USP42: variants seen among roughly 807,000 people sequenced by gnomAD.
The protein encoded by USP42 is ubiquitin carboxyl-terminal hydrolase 42.
In USP42, 23 loss-of-function variants were observed where a neutral mutation model predicts 113.0. That is an observed-to-expected ratio of 0.20 (90% confidence interval 0.15 to 0.29). USP42 has a LOEUF of 0.29. USP42 is among the 10% of genes least tolerant of loss of function. The pLI is 1.00. For missense variants in USP42, 2,174 were observed against 1,779.8 expected, an observed-to-expected ratio of 1.22 and a Z score of -3.99; for synonymous variants, 933 against 699.0, an observed-to-expected ratio of 1.33 and a Z score of -5.28.
At chr7:6,141,401 C>T (rs1781424509) in intron 7 of USP42, among the ~76,000 whole-genome samples, 1 of 151,810 alleles carries the variant, frequency 6.6e-6, no homozygotes, top group Non-Finnish European at 1.5e-5. Flanking sequence ...GATGGGGTTT[C>T]ACCTATCGGC....
chr7:6,091,470 C>A, the USP42 span, among the ~76,000 whole-genome samples: 1 of 150,616 alleles, frequency 6.6e-6, no homozygotes, highest in Non-Finnish European at 1.5e-5. Context: ...TCAGGCGATT[C>A]TCCTACTTTG....
At position 6,154,675 on chromosome 7, in the gene USP42, G is replaced by A. The variant is rs373397877; in HGVS notation, c.3121G>A (p.Glu1041Lys). 6.2e-7 allele frequency: 1 copy of A among 1,605,498 alleles called. No homozygotes were observed. The change falls in exon 15 of 18, where the codon GAG becomes AAG. Residue 1041 changes from glutamate (E) to lysine (K), a missense_variant. Physicochemically the swap from Glu to Lys is moderately conservative, Grantham distance 56. Transcript: ENST00000306177. ...DWVRHHYTEG[E>K]RGWGREKFYP... is the part of the protein sequence containing the mutation. ...GGTCAGACACCACTACACCGAGGGC[G>A]AGCGTGGCTGGGGCCGGGAGAAGTT...
intron 3 of USP42, among the ~76,000 whole-genome samples, chr7:6,130,598 C>T (rs967527246): frequency 2.0e-5 from 3 of 152,164 alleles, no homozygotes; most frequent in Non-Finnish European, 2.9e-5. Flanking sequence ...CCTTCTCCAC[C>T]GTTAACCCAG....
At chr7:6,112,421 G>A (rs922848108) in intron 2 of USP42, among the ~76,000 whole-genome samples, 4 of 151,838 alleles carry the variant, frequency 2.6e-5, no homozygotes, top group Non-Finnish European at 5.9e-5. Flanking sequence ...TTGCATTTCA[G>A]CCTGGGCAAC....
At chr7:6,148,966 A>G (rs1444315118) in intron 12 of USP42, among the ~76,000 whole-genome samples, 2 of 152,220 alleles carry the variant, frequency 1.3e-5, no homozygotes, top group Admixed American at 6.5e-5. Context: ...CAGTGTTAGG[A>G]TGGCAGCTAA....
At chr7:6,117,851 A>T (rs916355178) in intron 3 of USP42, among the ~76,000 whole-genome samples, 1 of 152,074 alleles carries the variant, frequency 6.6e-6, no homozygotes, top group East Asian at 1.9e-4. Context: ...ACATCTTTTC[A>T]TGTGGTTATT....
intron 1 of USP42, among the ~76,000 whole-genome samples, chr7:6,105,320 C>A (rs1274583746): frequency 4.1e-5 from 6 of 147,806 alleles, no homozygotes; most frequent in Admixed American, 3.4e-4. Context: ...GCCGGGCCCC[C>A]CTGGTTGCCA....
chr7:6,147,096 T>C (rs1056923044), intron 11 of USP42, among the ~76,000 whole-genome samples: 10 of 152,264 alleles, frequency 6.6e-5, no homozygotes, highest in Non-Finnish European at 1.2e-4. Context: ...AGAATGCTCA[T>C]GTCTGCACAT....
the USP42 span, among the ~76,000 whole-genome samples, chr7:6,092,035 C>CTTCT: frequency 1.0e-5 from 1 of 98,304 alleles, no homozygotes; most frequent in African/African-American, 4.1e-5. Flanking sequence ...TCTTCTTCTT[C>CTTCT]TTCTTCTTCT....
In USP42 at chr7:6,121,984, C is replaced by T. The variant is rs143953349; in HGVS notation, c.442+6461C>T. Among the ~76,000 whole-genome samples, 461 of 152,282 alleles carry T rather than the reference C, an allele frequency of 3.0e-3. 2 individuals are homozygous for T. The highest frequency in any genetic ancestry group is 0.011 in the African/African-American group (445 of 41,552). On this transcript the variant is annotated intron_variant, in intron 3 of 17. Coordinates refer to ENST00000306177, the MANE Select transcript of USP42 (RefSeq NM_032172.3). ...CTCCTTTTTCGTTTGATCAATCTGA[C>T]CAGAAGTTTTTTAATGTTACTGATC...
intron 4 of USP42, among the ~76,000 whole-genome samples, chr7:6,138,155 G>A (rs1781248811): frequency 6.6e-6 from 1 of 152,166 alleles, no homozygotes; most frequent in South Asian, 2.1e-4. Flanking sequence ...GCAGTTTCAT[G>A]TGATTTAAGC....
At position 6,157,601 on chromosome 7, in the gene USP42, T is replaced by G. The variant is rs1390183386; in HGVS notation, c.3943+546T>G. ...TTAGTAGAGACGGTGTTTCACCGTG[T>G]TAGCCAGGATGGTCTCGAGAACTCT... On this transcript the variant is annotated intron_variant, in intron 16 of 17. Coordinates refer to ENST00000306177, the MANE Select transcript of USP42 (RefSeq NM_032172.3). The surrounding 1 kb of genome is among the most constrained non-coding windows in gnomAD (Gnocchi z 4.1). 6.6e-6 allele frequency among the ~76,000 whole-genome samples: 1 copy of G among 152,198 alleles called. No individual in the cohort carries two copies. Among genetic ancestry groups the G allele is most frequent in the African/African-American group, 2.4e-5 (1 of 41,450 alleles).
rs938387696 is a variant in USP42 at position 6,154,869 on chromosome 7, G to A, written c.3315G>A (p.Pro1105=). The A allele has an allele frequency of 1.3e-6, 2 of 1,524,776 alleles. No homozygotes were observed. Among genetic ancestry groups the A allele is most frequent in the Non-Finnish European group, 8.8e-7 (1 of 1,134,804 alleles). The allele number at this position is 1,524,776 out of a possible 1,614,324, so 94.5% of individuals were successfully genotyped here. A position where few individuals can be genotyped will look rare whatever the true frequency, so the allele number is the denominator to read the frequency against. ...DHNRGRRGCE[P]ARERERHRPS... ...ACCGGGGCCGTAGGGGCTGCGAGCC[G>A]GCCCGGGAGAGGGAGCGGCACCGCC... The change falls in exon 15 of 18, where the codon CCG becomes CCA. Residue 1105 remains proline, a synonymous_variant. Transcript: ENST00000306177.
chr7:6,155,446 T>C (rs1347177324), intron 15 of USP42, among the ~76,000 whole-genome samples: 1 of 152,236 alleles, frequency 6.6e-6, no homozygotes, highest in Non-Finnish European at 1.5e-5. Flanking sequence ...TTTTTCAAAA[T>C]GATAGTGCCA....
chr7:6,149,760 A>G lies in USP42; in HGVS notation c.1564A>G (p.Ile522Val), dbSNP rs771197004. Residue 522 changes from isoleucine (I) to valine (V), a missense_variant, in exon 13 of 18, where the codon ATT (isoleucine) becomes GTT (valine). Transcript: ENST00000306177. Reference sequence around the variant, plus strand: ...CCCAGAACATCCTAAGAAACAAAAAATTACAATCAGTATTCACAACAAGTT... The same window carrying G: ...CCCAGAACATCCTAAGAAACAAAAAGTTACAATCAGTATTCACAACAAGTT... ...VIPEHPKKQK[I>V]TISIHNKLPV... is the part of the protein sequence containing the mutation. 2.5e-6 allele frequency: 4 copies of G among 1,613,898 alleles called. No homozygotes were observed. The African/African-American group carries it at 5.3e-5, about 22-fold the overall frequency.
chr7:6,083,589 T>C, the USP42 span, among the ~76,000 whole-genome samples: 6 of 150,316 alleles, frequency 4.0e-5, no homozygotes, highest in Admixed American at 2.0e-4. Flanking sequence ...TACATATATA[T>C]ACACACACAT....
intron 1 of USP42, among the ~76,000 whole-genome samples, chr7:6,105,712 C>T (rs1583563066): frequency 6.6e-6 from 1 of 152,202 alleles, no homozygotes; most frequent in Non-Finnish European, 1.5e-5. Flanking sequence ...GTGTGCCTCT[C>T]TAGCGTTTTT....
In USP42 at chr7:6,154,707, C is replaced by T. The variant is rs376412352; in HGVS notation, c.3153C>T (p.Pro1051=). 4.9e-5 allele frequency: 78 copies of T among 1,596,930 alleles called. No homozygotes were observed. In the African/African-American group the frequency reaches 9.8e-4, roughly 20 times the overall value. ...ERGWGREKFY[P]DRPRWDRCRY... ...GCTGGGGCCGGGAGAAGTTCTACCCCGACAGGCCGCGCTGGGACAGGTGCC... is the reference window on the plus strand; with the variant it reads ...GCTGGGGCCGGGAGAAGTTCTACCCTGACAGGCCGCGCTGGGACAGGTGCC... Residue 1051 remains proline (P), a synonymous_variant, in exon 15 of 18, where the codon CCC becomes CCT. Transcript: ENST00000306177.
chr7:6,111,554 G>C (rs1779597704), intron 2 of USP42, among the ~76,000 whole-genome samples, 180 bp downstream of exon 2: 1 of 152,118 alleles, frequency 6.6e-6, no homozygotes, highest in African/African-American at 2.4e-5. Flanking sequence ...ACTGACAACA[G>C]GGTAGATTGT....
Sources: gnomAD v4.1 joint callset for allele counts (sites outside exome capture counted in the v4.1 genomes callset) on GRCh38, gnomAD v4.1.1 for gene constraint, Gnocchi (gnomAD v3.1) non-coding constraint, MANE v1.5 for transcripts, NCBI Gene and HGNC (gene_info 2026-07-23, HGNC 2026-07-21) for gene names.